The following EXOC4 variants were observed in gnomAD, a reference collection of about 807,000 sequenced individuals.
The protein encoded by EXOC4 is SEC8-like 1.
EXOC4 carries 71 observed loss-of-function variants against 107.2 expected under a neutral mutation model. The observed-to-expected ratio is 0.66, with a 90% CI of 0.55 to 0.81. The LOEUF is 0.81. EXOC4 is among the 30% of genes least tolerant of loss of function. EXOC4 has a pLI of 0.00. For synonymous variants in EXOC4, 456 were observed against 441.2 expected, an observed-to-expected ratio of 1.03 and a Z score of -0.42; for missense variants, 1,108 against 1,189.6, an observed-to-expected ratio of 0.93 and a Z score of 1.01.
chr7:133,955,753 C>T (rs1352858408), intron 14 of EXOC4, among the ~76,000 whole-genome samples: 1 of 152,244 alleles, frequency 6.6e-6, no homozygotes, highest in Non-Finnish European at 1.5e-5. Context: ...CCATCTGCCT[C>T]CCTCCTGACA....
intron 10 of EXOC4, among the ~76,000 whole-genome samples, chr7:133,722,961 A>C (rs750698638): frequency 7.2e-5 from 11 of 152,350 alleles, no homozygotes; most frequent in Non-Finnish European, 1.6e-4. Flanking sequence ...AGTGATCATC[A>C]TACAGATTTG....
chr7:133,932,058 C>T (rs955002956), intron 13 of EXOC4, among the ~76,000 whole-genome samples: 2 of 152,194 alleles, frequency 1.3e-5, no homozygotes, highest in African/African-American at 2.4e-5. Context: ...TGCATTTATG[C>T]GTTCCTGGAT....
At chr7:133,432,754 C>T (rs959028922) in intron 7 of EXOC4, among the ~76,000 whole-genome samples, 2 of 152,222 alleles carry the variant, frequency 1.3e-5, no homozygotes, top group Non-Finnish European at 1.5e-5. Context: ...ACTACATTAT[C>T]CAAGTTGGAA....
chr7:133,309,787 A>C (rs1794831090), intron 4 of EXOC4, among the ~76,000 whole-genome samples: 1 of 152,114 alleles, frequency 6.6e-6, no homozygotes, highest in African/African-American at 2.4e-5. Context: ...TGAAAGTGTA[A>C]AAGTTAGCCA....
intron 10 of EXOC4, among the ~76,000 whole-genome samples, chr7:133,656,496 G>A (rs1310352097): frequency 2.0e-5 from 3 of 151,982 alleles, no homozygotes; most frequent in Non-Finnish European, 4.4e-5. Flanking sequence ...TACAGAAAAA[G>A]CGCTAGTAAA....
At chr7:133,737,567 C>G (rs977001275) in intron 10 of EXOC4, among the ~76,000 whole-genome samples, 1 of 151,862 alleles carries the variant, frequency 6.6e-6, no homozygotes, top group African/African-American at 2.4e-5. Flanking sequence ...GGTAGCTTAC[C>G]GTTTCTAGTT....
chr7:134,068,592 G>A (rs1796218970), downstream of EXOC4, among the ~76,000 whole-genome samples: 2 of 152,118 alleles, frequency 1.3e-5, no homozygotes, highest in Non-Finnish European at 2.9e-5. Context: ...TAATATAGGG[G>A]CTGTATCTTG....
At chr7:133,771,955 C>T (rs1032050681) in intron 10 of EXOC4, among the ~76,000 whole-genome samples, 3 of 151,884 alleles carry the variant, frequency 2.0e-5, no homozygotes, top group African/African-American at 7.3e-5. Context: ...GACATCAGAT[C>T]CCTCATAGGC....
chr7:134,074,509 T>C, the EXOC4 span, among the ~76,000 whole-genome samples: 3 of 152,236 alleles, frequency 2.0e-5, no homozygotes, highest in East Asian at 5.8e-4. Flanking sequence ...TGTGGATTCA[T>C]AGAAATGGAT....
At chr7:133,393,662 C>A (rs1330105084) in intron 7 of EXOC4, among the ~76,000 whole-genome samples, 6 of 152,294 alleles carry the variant, frequency 3.9e-5, no homozygotes, top group African/African-American at 1.2e-4. Context: ...CTCGACAGTT[C>A]TGCCACGTGG....
intron 11 of EXOC4, among the ~76,000 whole-genome samples, chr7:133,863,932 G>A (rs927121110): frequency 3.3e-5 from 5 of 152,062 alleles, no homozygotes; most frequent in African/African-American, 9.7e-5. Context: ...TTTTCTGCTT[G>A]TATCTGCTTA....
chr7:133,927,879 C>T (rs989170382), intron 13 of EXOC4, among the ~76,000 whole-genome samples: 1 of 152,074 alleles, frequency 6.6e-6, no homozygotes, highest in African/African-American at 2.4e-5. Context: ...GCAAACATAT[C>T]AATTAATGTT....
At chr7:134,083,912 T>C in the EXOC4 span, among the ~76,000 whole-genome samples, 1 of 152,220 alleles carries the variant, frequency 6.6e-6, no homozygotes, top group South Asian at 2.1e-4. Flanking sequence ...ATCCAAGTTG[T>C]TCTCCTTCTG....
downstream of EXOC4, among the ~76,000 whole-genome samples, chr7:134,068,850 GTCATA>G (rs1363202215): frequency 6.6e-6 from 1 of 152,206 alleles, no homozygotes; most frequent in Non-Finnish European, 1.5e-5. Context: ...TTACTGTCAA[GTCATA>G]TCCGTGAATT....
At chr7:133,264,956 A>G (rs1430525825) in intron 1 of EXOC4, among the ~76,000 whole-genome samples, 2 of 152,154 alleles carry the variant, frequency 1.3e-5, no homozygotes, top group African/African-American at 2.4e-5. Context: ...GCCCTTTAGT[A>G]TTTTAAAGGC....
At chr7:133,762,734 A>G (rs1796058809) in intron 10 of EXOC4, among the ~76,000 whole-genome samples, 1 of 152,152 alleles carries the variant, frequency 6.6e-6, no homozygotes, top group Non-Finnish European at 1.5e-5. Flanking sequence ...GATATTTACC[A>G]AGTGTTTTTA....
In EXOC4 at chr7:134,005,086, C is replaced by T. The variant is rs376384428; in HGVS notation, c.2523C>T (p.Phe841=). The change falls in exon 16 of 18, where the codon TTC becomes TTT. Residue 841 remains phenylalanine, a synonymous_variant. Transcript: ENST00000253861. Reference sequence around the variant, plus strand: ...AGCAGCACAAGTTCCAGTATATCTTCGAAGGTCAGACCCTGCTTCTGTCTC... The same window carrying T: ...AGCAGCACAAGTTCCAGTATATCTTTGAAGGTCAGACCCTGCTTCTGTCTC... ...SLQQHKFQYI[F]EGLGHLISCI... The T allele has an allele frequency of 5.1e-5, 82 of 1,612,150 alleles. No individual in the cohort carries two copies. The highest frequency in any genetic ancestry group is 1.2e-4 in the African/African-American group (9 of 74,810).
chr7:134,049,819 CAA>C (rs995618501), intron 17 of EXOC4, among the ~76,000 whole-genome samples: 87 of 152,256 alleles, frequency 5.7e-4, no homozygotes, highest in African/African-American at 1.5e-3. Context: ...AGCAAGTAAA[CAA>C]ATTTAAAAAG....
intron 12 of EXOC4, 69 bp from the exon 13 acceptor site, chr7:133,917,514 G>C (rs1799836241): frequency 6.8e-7 from 1 of 1,477,380 alleles, no homozygotes; most frequent in Admixed American, 1.8e-5. Flanking sequence ...TGCAGCAAAG[G>C]TAGATGAAAA....
Sources: allele counts gnomAD v4.1 joint callset (sites outside exome capture counted in the v4.1 genomes callset), GRCh38; gene constraint gnomAD v4.1.1; transcripts MANE v1.5; gene names NCBI Gene and HGNC (gene_info 2026-07-23, HGNC 2026-07-21).